The following EFCAB12 variants were observed in gnomAD, a reference collection of about 807,000 sequenced individuals.
EFCAB12 encodes EF-hand calcium binding domain 12, also known as EF-hand calcium-binding domain-containing protein 12.
Under a neutral mutation model 53.6 loss-of-function variants are expected in EFCAB12, and 43 were observed. The ratio of observed to expected loss-of-function variants is 0.80; its 90% CI spans 0.63 to 1.03. The LOEUF is 1.03. EFCAB12 is among the 50% of genes least tolerant of loss of function. The probability of loss-of-function intolerance (pLI) is 0.00; values close to 1 mark genes in which losing one functional copy is unlikely to be tolerated. For synonymous variants in EFCAB12, 269 were observed against 289.2 expected (o/e 0.93, Z 0.71); for missense variants, 646 against 730.6 (o/e 0.88, Z 1.34).
rs573707762 is a variant in EFCAB12 at position 129,415,714 on chromosome 3, C to T, written c.682-313G>A. On this transcript the variant is annotated intron_variant, in intron 3 of 8. Transcript: ENST00000505956. ...TGGGTTTCTTCTTCCTCTAGGGTCC[C>T]ACCCCACTTCCTACCAGTCTCAATG... Among the ~76,000 whole-genome samples, 4 of 152,294 alleles carry T rather than the reference C, an allele frequency of 2.6e-5. 1 individual carries two copies. In the South Asian group the frequency reaches 8.3e-4, roughly 32 times the overall value.
Position 129,421,612 on chromosome 3 carries a change from G to C in EFCAB12, c.241C>G (p.Pro81Ala). The change falls in exon 2 of 9, where the codon CCA becomes GCA. Residue 81 changes from proline to alanine, a missense_variant. Pro to Ala is a conservative substitution (Grantham distance 27). Transcript: ENST00000505956. ...ACTTTGAAGCTGGGGATGGGCTTTG[G>C]GGGAGCCTGAGGTTGGGATGCAGGA... ...LNPASQPQAP[P>A]KPIPSFKVLE... is the part of the protein sequence containing the mutation. 1 of 1,613,984 alleles carries C rather than the reference G, an allele frequency of 6.2e-7. No homozygotes were observed. The highest frequency in any genetic ancestry group is 8.5e-7 in the Non-Finnish European group (1 of 1,179,898).
At chr3:129,409,814 A>G (rs1284337349) in intron 5 of EFCAB12, among the ~76,000 whole-genome samples, 4 of 152,196 alleles carry the variant, frequency 2.6e-5, no homozygotes, top group African/African-American at 9.7e-5. Context: ...TAAAATGTTT[A>G]CTATCTGGCC....
intron 6 of EFCAB12, among the ~76,000 whole-genome samples, chr3:129,407,871 A>G (rs1284603958): frequency 1.3e-5 from 2 of 152,214 alleles, no homozygotes; most frequent in African/African-American, 4.8e-5. Context: ...CCGCAATCGC[A>G]CTACTACACT....
intron 6 of EFCAB12, among the ~76,000 whole-genome samples, chr3:129,408,041 G>A (rs967264540): frequency 6.6e-6 from 1 of 152,220 alleles, no homozygotes; most frequent in Non-Finnish European, 1.5e-5. Flanking sequence ...CAGAGACACA[G>A]TGGGCTCAGA....
chr3:129,401,991 G>A lies in EFCAB12; in HGVS notation c.1461-140C>T. ...CTTCAGCACCTCAGTCCTCCCCACA[G>A]TTCCATATGGTCAGCTCTGTTATCC... On this transcript the variant is annotated intron_variant, in intron 8 of 8. Coordinates refer to ENST00000505956, the MANE Select transcript of EFCAB12 (RefSeq NM_207307.3). 5 of 1,231,556 alleles carry A rather than the reference G, an allele frequency of 4.1e-6. No homozygotes were observed. The South Asian group carries it at 4.7e-5, about 12-fold the overall frequency. The allele number at this position is 1,231,556 out of a possible 1,614,324, so 76.3% of individuals were successfully genotyped here. A position where few individuals can be genotyped will look rare whatever the true frequency, so the allele number is the denominator to read the frequency against.
rs776556788 is a variant in EFCAB12 at position 129,421,420 on chromosome 3, C to G, written c.433G>C (p.Glu145Gln). 6.2e-7 allele frequency: 1 copy of G among 1,613,630 alleles called. No individual in the cohort carries two copies. Among genetic ancestry groups the G allele is most frequent in the South Asian group, 1.1e-5 (1 of 91,060 alleles). ...SEAKVLHMIHEEQSAQPNASQ... is the reference protein window; with the variant it reads ...SEAKVLHMIHQEQSAQPNASQ... Reference sequence around the variant, plus strand: ...GCATTTGGCTGGGCACTCTGCTCCTCGTGGATCATGTGTAAGACCTTGGCC... The same window carrying G: ...GCATTTGGCTGGGCACTCTGCTCCTGGTGGATCATGTGTAAGACCTTGGCC... Residue 145 changes from glutamate to glutamine, a missense_variant, in exon 2 of 9, where the codon GAG (glutamate) becomes CAG (glutamine). Coordinates refer to ENST00000505956, the MANE Select transcript of EFCAB12 (RefSeq NM_207307.3).
At position 129,411,259 on chromosome 3, in the gene EFCAB12, T is replaced by C. The variant is rs775846345; in HGVS notation, c.934A>G (p.Thr312Ala). The part of the protein sequence containing the change: ...APQLPKVDLL[T>A]VPAVDTQMET... The stretch of plus-strand genomic sequence containing the variant: ...ATCTGCGTGTCGACTGCAGGCACCG[T>C]CAGTAGGTCCACTTTGGGAAGCTGT... Residue 312 changes from threonine to alanine, a missense_variant, in exon 5 of 9, where the codon ACG becomes GCG. Transcript: ENST00000505956. 5.6e-6 allele frequency: 9 copies of C among 1,613,744 alleles called. No homozygotes were observed. Among genetic ancestry groups the C allele is most frequent in the Non-Finnish European group, 6.8e-6 (8 of 1,179,760 alleles).
intron 4 of EFCAB12, chr3:129,412,471 T>TAGATAGAC (rs1438523790): frequency 7.7e-6 from 1 of 129,396 alleles, no homozygotes; most frequent in African/African-American, 3.0e-5. Context: ...GATAGATAGA[T>TAGATAGAC]AGATAGACAG....
At chr3:129,426,036 G>A in intron 1 of EFCAB12, among the ~76,000 whole-genome samples, 1 of 152,140 alleles carries the variant, frequency 6.6e-6, no homozygotes, top group East Asian at 1.9e-4. Flanking sequence ...ACAGCCTATA[G>A]GTGTCTGGAA....
chr3:129,411,059 C>T (rs2072030844), intron 5 of EFCAB12, 99 bp downstream of exon 5: 1 of 1,366,524 alleles, frequency 7.3e-7, no homozygotes, highest in Admixed American at 2.3e-5. Context: ...GACCCCCCTC[C>T]CCAGGGTTCT....
intron 5 of EFCAB12, 89 bp from the exon 6 acceptor site, chr3:129,408,947 C>T: frequency 1.4e-6 from 2 of 1,438,762 alleles, no homozygotes; most frequent in South Asian, 1.3e-5. Flanking sequence ...CCTCATCGAC[C>T]TCTCCCCTGC....
Position 129,415,280 on chromosome 3 carries a change from G to A in EFCAB12, c.803C>T (p.Ala268Val). The A allele has an allele frequency of 6.2e-7, 1 of 1,612,400 alleles. No homozygotes were observed. Among genetic ancestry groups the A allele is most frequent in the Non-Finnish European group, 8.5e-7 (1 of 1,179,684 alleles). The change falls in exon 4 of 9, where the codon GCT becomes GTT. Residue 268 changes from alanine to valine, a missense_variant. Transcript: ENST00000505956. Reference sequence around the variant, plus strand: ...AGTGGCCAGGCTGCTCCTTTGCTGAGCCATAGACCACTGCTTGTAGGTATT... The same window carrying A: ...AGTGGCCAGGCTGCTCCTTTGCTGAACCATAGACCACTGCTTGTAGGTATT... ...LANTYKQWSM[A>V]QQRSSLATAR...
intron 6 of EFCAB12, 68 bp from the exon 7 acceptor site, chr3:129,404,471 G>A: frequency 7.1e-7 from 1 of 1,413,674 alleles, no homozygotes; most frequent in African/African-American, 1.5e-5. Flanking sequence ...AAGCCTCTGG[G>A]GTCAGAGGAG....
At position 129,404,238 on chromosome 3, in the gene EFCAB12, C is replaced by G; in HGVS notation, c.1403+12G>C. 6.2e-7 allele frequency: 1 copy of G among 1,609,716 alleles called. No individual in the cohort carries two copies. The highest frequency in any genetic ancestry group is 8.5e-7 in the Non-Finnish European group (1 of 1,177,572). ...AGGCCAAGGCAGGGAGAAAGGGGGT[C>G]CGAAACTCAGCTTGTCAGTCCTCTT... On this transcript the variant is annotated intron_variant, in intron 7 of 8. Transcript: ENST00000505956.
In EFCAB12 at chr3:129,416,295, G is replaced by A. The variant is rs555333146; in HGVS notation, c.682-894C>T. Reference sequence around the variant, plus strand: ...TAGCCAGGCATGGGGACACATGCCTGTAATCCCAGCACCCAGGAGGCTGAG... The same window carrying A: ...TAGCCAGGCATGGGGACACATGCCTATAATCCCAGCACCCAGGAGGCTGAG... On this transcript the variant is annotated intron_variant, in intron 3 of 8. Transcript: ENST00000505956. Among the ~76,000 whole-genome samples the A allele has an allele frequency of 2.6e-5, 4 of 152,242 alleles. No homozygotes were observed. The South Asian group carries it at 8.3e-4, about 32-fold the overall frequency.
chr3:129,423,180 G>T (rs527582549), intron 1 of EFCAB12, among the ~76,000 whole-genome samples: 38 of 152,296 alleles, frequency 2.5e-4, no homozygotes, highest in South Asian at 4.1e-4. Flanking sequence ...CCCAGAGCTC[G>T]GCTCTTAGCT....
intron 6 of EFCAB12, among the ~76,000 whole-genome samples, chr3:129,408,291 C>G (rs2071979769): frequency 6.6e-6 from 1 of 152,190 alleles, no homozygotes. Flanking sequence ...TATTGCAACT[C>G]TTCCTTTATG....
intron 2 of EFCAB12, among the ~76,000 whole-genome samples, chr3:129,420,330 T>A: frequency 6.6e-6 from 1 of 152,192 alleles, no homozygotes; most frequent in East Asian, 1.9e-4. Context: ...AATGGTTGTC[T>A]CCATTTTATA....
intron 4 of EFCAB12, chr3:129,412,480 A>T (rs1343506920): frequency 4.0e-5 from 6 of 151,468 alleles, no homozygotes; most frequent in Non-Finnish European, 7.4e-5. Context: ...ATAGATAGAC[A>T]GACTGACCGA....
Sources: allele counts gnomAD v4.1 joint callset (sites outside exome capture counted in the v4.1 genomes callset), GRCh38; gene constraint gnomAD v4.1.1; transcripts MANE v1.5; gene names NCBI Gene and HGNC (gene_info 2026-07-23, HGNC 2026-07-21).